Variants in FOXP1 observed in about 807,000 individuals in gnomAD.
FOXP1 encodes forkhead box P1.
A neutral mutation model predicts 98.2 loss-of-function variants in FOXP1; 15 were observed. The observed-to-expected ratio is 0.15, with a 90% CI of 0.10 to 0.24. FOXP1 has a LOEUF of 0.24. FOXP1 is among the 10% of genes least tolerant of loss of function. FOXP1 has a pLI of 1.00. For missense variants in FOXP1, 633 were observed against 848.5 expected (o/e 0.75, Z 3.15); for synonymous variants, 371 against 314.5 (o/e 1.18, Z -1.90).
chr3:71,064,162 C>A (rs149271034), intron 7 of FOXP1, among the ~76,000 whole-genome samples: 3 of 152,306 alleles, frequency 2.0e-5, no homozygotes, highest in Non-Finnish European at 4.4e-5. Flanking sequence ...TTCGCTCGCT[C>A]GCCTGCTCCG....
intron 5 of FOXP1, among the ~76,000 whole-genome samples, chr3:71,298,635 C>T (rs1053199863): frequency 2.0e-5 from 3 of 152,148 alleles, no homozygotes; most frequent in African/African-American, 7.2e-5. Context: ...TAGGTAGATC[C>T]TGCAAAGGTT....
intron 4 of FOXP1, among the ~76,000 whole-genome samples, chr3:71,323,521 G>A (rs935736766): frequency 6.6e-6 from 1 of 152,120 alleles, no homozygotes; most frequent in Non-Finnish European, 1.5e-5. Flanking sequence ...TCTGTCCCAG[G>A]GCAATAAGGA....
At chr3:70,988,648 T>C (rs530023724) in intron 13 of FOXP1, among the ~76,000 whole-genome samples, 2 of 152,252 alleles carry the variant, frequency 1.3e-5, no homozygotes, top group East Asian at 3.8e-4. Flanking sequence ...TTTGAGTACC[T>C]GCTATGTGCT....
At chr3:71,042,987 A>G (rs545105896) in intron 10 of FOXP1, among the ~76,000 whole-genome samples, 1 of 152,324 alleles carries the variant, frequency 6.6e-6, no homozygotes, top group East Asian at 1.9e-4. Flanking sequence ...TGAGTCTGAT[A>G]GGATTTTTTT....
intron 12 of FOXP1, among the ~76,000 whole-genome samples, chr3:71,015,184 A>T (rs1469983845): frequency 1.3e-5 from 2 of 151,314 alleles, no homozygotes; most frequent in Non-Finnish European, 2.9e-5. Context: ...CAACAACAAC[A>T]ACAAAATTAT....
intron 2 of FOXP1, among the ~76,000 whole-genome samples, chr3:71,544,508 G>C (rs1167736830): frequency 1.3e-5 from 2 of 152,046 alleles, no homozygotes; most frequent in East Asian, 3.9e-4. Context: ...AGGAAGATGA[G>C]AACATTTGCA....
chr3:71,241,250 A>AG (rs2067256208), intron 5 of FOXP1, among the ~76,000 whole-genome samples: 1 of 151,574 alleles, frequency 6.6e-6, no homozygotes, highest in Non-Finnish European at 1.5e-5. Context: ...CAAAAAAAAA[A>AG]CTTTTACCTC....
chr3:71,068,031 T>TG (rs911716562), intron 7 of FOXP1, among the ~76,000 whole-genome samples: 2 of 146,916 alleles, frequency 1.4e-5, no homozygotes, highest in Admixed American at 6.8e-5. Context: ...ATACCTGTGG[T>TG]GGGGGGGAGG....
intron 4 of FOXP1, among the ~76,000 whole-genome samples, chr3:71,313,726 C>A (rs1021098680): frequency 6.7e-6 from 1 of 148,670 alleles, no homozygotes; most frequent in Non-Finnish European, 1.5e-5. Flanking sequence ...GGGGTTTCAC[C>A]GTGTTAGCCA....
chr3:71,281,769 G>T (rs2071592168), intron 5 of FOXP1, among the ~76,000 whole-genome samples: 1 of 152,006 alleles, frequency 6.6e-6, no homozygotes, highest in African/African-American at 2.4e-5. Flanking sequence ...GGAACATCTG[G>T]ATGGCAATGG....
chr3:71,048,736 G>C (rs1236945297), intron 9 of FOXP1, among the ~76,000 whole-genome samples: 1 of 136,296 alleles, frequency 7.3e-6, no homozygotes, highest in Non-Finnish European at 1.6e-5. Flanking sequence ...AAAAAAAAGG[G>C]AAGAGAAAAA....
At position 71,218,965 on chromosome 3, in the gene FOXP1, C is replaced by G. The variant is rs545490602; in HGVS notation, c.-11-20573G>C. On this transcript the variant is annotated intron_variant, in intron 5 of 20. Coordinates refer to ENST00000649528, the MANE Select transcript of FOXP1 (RefSeq NM_001349338.3). ...CCACTTTGATGTCCTAAAAGAGCCA[C>G]AAATTTTGCCTCAAACTGAAATTAT... Among the ~76,000 whole-genome samples, 33 of 152,336 alleles carry G rather than the reference C, an allele frequency of 2.2e-4. No homozygotes were observed. The South Asian group carries it at 4.6e-3, about 21-fold the overall frequency.
chr3:71,055,898 G>A (rs773832852), intron 7 of FOXP1, among the ~76,000 whole-genome samples: 1 of 152,148 alleles, frequency 6.6e-6, no homozygotes, highest in Non-Finnish European at 1.5e-5. Context: ...TGATGAACAG[G>A]AAAACAGACA....
intron 6 of FOXP1, among the ~76,000 whole-genome samples, chr3:71,143,967 C>T (rs901460076): frequency 3.9e-5 from 6 of 151,980 alleles, no homozygotes; most frequent in African/African-American, 1.5e-4. Flanking sequence ...ACTATAAAAC[C>T]CATCTAACCT....
intron 9 of FOXP1, 135 bp downstream of exon 9, chr3:71,052,402 T>C (rs112819261): frequency 7.0e-6 from 5 of 717,740 alleles, no homozygotes. Flanking sequence ...AGGACAATAA[T>C]TCTCAGTCTG....
At chr3:71,530,945 C>T (rs2043794926) in intron 2 of FOXP1, among the ~76,000 whole-genome samples, 1 of 152,174 alleles carries the variant, frequency 6.6e-6, no homozygotes, top group Non-Finnish European at 1.5e-5. Context: ...CCATTCTGCC[C>T]CCAAATGGGC....
intron 3 of FOXP1, among the ~76,000 whole-genome samples, chr3:71,484,558 T>G (rs1413444604): frequency 6.6e-6 from 1 of 152,310 alleles, no homozygotes; most frequent in South Asian, 2.1e-4. Flanking sequence ...TGTCAAGCAC[T>G]GTATTAAGGA....
chr3:71,220,130 C>T (rs550171852), intron 5 of FOXP1, among the ~76,000 whole-genome samples: 80 of 152,328 alleles, frequency 5.3e-4, no homozygotes, highest in African/African-American at 1.9e-3. Context: ...CATTATACTA[C>T]ATTCTAGTTT....
Position 71,221,879 on chromosome 3 carries a change from G to T in FOXP1, c.-11-23487C>A, listed in dbSNP as rs116500954. Among the ~76,000 whole-genome samples, 1,164 of 152,316 alleles carry T rather than the reference G, an allele frequency of 7.6e-3. 8 individuals are homozygous for T. Among genetic ancestry groups the T allele is most frequent in the Non-Finnish European group, 0.012 (812 of 68,024 alleles). ...AATCAGAACAAAGTCCTTCGTCCGG[G>T]TGCAGTGGTTCACACCTGTAATCCT... On this transcript the variant is annotated intron_variant, in intron 5 of 20. Transcript: ENST00000649528.
Sources: allele counts gnomAD v4.1 joint callset (sites outside exome capture counted in the v4.1 genomes callset), GRCh38; gene constraint gnomAD v4.1.1; transcripts MANE v1.5; gene names NCBI Gene and HGNC (gene_info 2026-07-23, HGNC 2026-07-21).